ATRNL1: variants seen among roughly 807,000 people sequenced by gnomAD.
The protein encoded by ATRNL1 is attractin like 1.
A neutral mutation model predicts 182.7 loss-of-function variants in ATRNL1; 95 were observed. The observed-to-expected ratio is 0.52, with a 90% CI of 0.44 to 0.62. The LOEUF is 0.62. Ranked by LOEUF, ATRNL1 falls within the 20% of genes least tolerant of loss-of-function variation. The pLI is 0.00. For synonymous variants in ATRNL1, 576 were observed against 568.3 expected (o/e 1.01, Z -0.19); for missense variants, 1,471 against 1,679.5 (o/e 0.88, Z 2.17).
At chr10:115,674,614 T>G (rs1029855813) in intron 26 of ATRNL1, among the ~76,000 whole-genome samples, 1 of 152,136 alleles carries the variant, frequency 6.6e-6, no homozygotes, top group Admixed American at 6.6e-5. Flanking sequence ...ATGAAATTTT[T>G]GTAAGTACTT....
At chr10:115,760,389 T>C (rs1360542702) in intron 27 of ATRNL1, among the ~76,000 whole-genome samples, 1 of 152,086 alleles carries the variant, frequency 6.6e-6, no homozygotes, top group Non-Finnish European at 1.5e-5. Context: ...TATTTTTACG[T>C]ATTCATTGGT....
rs555587168 is a variant in ATRNL1 at position 115,316,366 on chromosome 10, C to T, written c.3037+630C>T. Among the ~76,000 whole-genome samples, 11 of 152,108 alleles carry T rather than the reference C, an allele frequency of 7.2e-5. No homozygotes were observed. In the South Asian group the frequency reaches 1.5e-3, roughly 20 times the overall value. Reference sequence around the variant, plus strand: ...CTATATCCAGTCTATCATTAATGGGCGCTTGGGTTGGTTCCATGACTTTGC... The same window carrying T: ...CTATATCCAGTCTATCATTAATGGGTGCTTGGGTTGGTTCCATGACTTTGC... On this transcript the variant is annotated intron_variant, in intron 18 of 28. Transcript: ENST00000355044.
chr10:115,867,973 A>G (rs1951478125), intron 28 of ATRNL1, among the ~76,000 whole-genome samples: 1 of 152,044 alleles, frequency 6.6e-6, no homozygotes, highest in South Asian at 2.1e-4. Flanking sequence ...CATGTTGGTG[A>G]GGCTGGTCTC....
intron 26 of ATRNL1, among the ~76,000 whole-genome samples, chr10:115,590,039 T>C: frequency 6.6e-6 from 1 of 152,220 alleles, no homozygotes; most frequent in East Asian, 1.9e-4. Context: ...TAAAATATAC[T>C]GTGGCAAAAT....
At chr10:115,556,710 A>T (rs1853333752) in intron 26 of ATRNL1, among the ~76,000 whole-genome samples, 1 of 152,044 alleles carries the variant, frequency 6.6e-6, no homozygotes, top group African/African-American at 2.4e-5. Context: ...AATAAATATT[A>T]GCTGTTATTG....
intron 10 of ATRNL1, among the ~76,000 whole-genome samples, chr10:115,262,549 G>C (rs539265597): frequency 2.4e-4 from 37 of 151,892 alleles, no homozygotes; most frequent in Non-Finnish European, 4.7e-4. Context: ...GTGACCTAAA[G>C]GTAAGACCAA....
intron 1 of ATRNL1, among the ~76,000 whole-genome samples, chr10:115,101,522 TA>T (rs1286533941): frequency 1.3e-3 from 205 of 152,340 alleles, no homozygotes; most frequent in African/African-American, 4.7e-3. Context: ...TTTTGAATGT[TA>T]AACCAACCTT....
intron 28 of ATRNL1, among the ~76,000 whole-genome samples, chr10:115,887,169 G>C (rs7474865): frequency 6.6e-6 from 1 of 152,150 alleles, no homozygotes; most frequent in African/African-American, 2.4e-5. Context: ...GCATATTCAA[G>C]TTTGAGATGC....
chr10:115,289,160 C>G (rs559026291), intron 15 of ATRNL1, among the ~76,000 whole-genome samples: 2 of 152,134 alleles, frequency 1.3e-5, no homozygotes, highest in Non-Finnish European at 2.9e-5. Flanking sequence ...GGGAATTCCT[C>G]TTTTTAAAAC....
chr10:115,564,609 T>C (rs1026254594), intron 26 of ATRNL1, among the ~76,000 whole-genome samples: 5 of 151,972 alleles, frequency 3.3e-5, no homozygotes, highest in Non-Finnish European at 7.4e-5. Context: ...ATTATTTTTA[T>C]ACCTTGTACA....
intron 28 of ATRNL1, among the ~76,000 whole-genome samples, chr10:115,875,712 C>T (rs114067053): frequency 0.024 from 3,603 of 152,244 alleles, 124 homozygotes; most frequent in African/African-American, 0.072. Context: ...AAGAACCTAA[C>T]AGGTATGTTC....
intron 10 of ATRNL1, among the ~76,000 whole-genome samples, chr10:115,261,258 A>G (rs1851380036): frequency 6.6e-6 from 1 of 152,186 alleles, no homozygotes; most frequent in Admixed American, 6.5e-5. Context: ...AAAGTGTTAG[A>G]GTGAAATAAA....
intron 26 of ATRNL1, among the ~76,000 whole-genome samples, chr10:115,716,505 A>C (rs1216211701): frequency 1.3e-5 from 2 of 152,206 alleles, no homozygotes; most frequent in East Asian, 3.9e-4. Flanking sequence ...TAACTGGATT[A>C]TGTTGCATTT....
intron 28 of ATRNL1, among the ~76,000 whole-genome samples, chr10:115,910,611 A>G (rs1952645916): frequency 6.6e-6 from 1 of 151,908 alleles, no homozygotes; most frequent in Non-Finnish European, 1.5e-5. Context: ...CTAACCTTTA[A>G]TGCACTATAC....
intron 1 of ATRNL1, among the ~76,000 whole-genome samples, chr10:115,099,768 T>TA (rs1416231109): frequency 2.0e-5 from 3 of 152,298 alleles, no homozygotes; most frequent in Non-Finnish European, 4.4e-5. Context: ...TTTTGCATGT[T>TA]AAAAAAATTT....
chr10:115,781,809 G>T (rs1338555294), intron 27 of ATRNL1, among the ~76,000 whole-genome samples: 1 of 152,092 alleles, frequency 6.6e-6, no homozygotes. Context: ...ATAGTTTTCT[G>T]TATAAGCTAT....
At chr10:115,096,568 G>T in intron 1 of ATRNL1, 3 of 794,844 alleles carry the variant, frequency 3.8e-6, no homozygotes, top group Non-Finnish European at 5.5e-6. Flanking sequence ...CATTAAAAAT[G>T]ATTGATCAAT....
rs1850143537 is a variant in ATRNL1, at chr10:115,506,923, G to A, written c.3655-12340G>A. Among the ~76,000 whole-genome samples the A allele has an allele frequency of 2.6e-5, 4 of 152,084 alleles. No homozygotes were observed. The South Asian group carries it at 8.3e-4, about 32-fold the overall frequency. On this transcript the variant is annotated intron_variant, in intron 24 of 28. Transcript: ENST00000355044. ...TAATTTAGAAAGTTTATTTGCCAAG[G>A]TTGAGGACATGTGCCTGTGACACAG... is the stretch of plus-strand genomic sequence containing the variant.
intron 13 of ATRNL1, among the ~76,000 whole-genome samples, chr10:115,273,387 T>C (rs1475589631): frequency 6.6e-6 from 1 of 152,230 alleles, no homozygotes; most frequent in Non-Finnish European, 1.5e-5. Context: ...CTTCACTTAT[T>C]TGCCATTCAG....
Sources: allele counts gnomAD v4.1 joint callset (sites outside exome capture counted in the v4.1 genomes callset), GRCh38; gene constraint gnomAD v4.1.1; transcripts MANE v1.5; gene names NCBI Gene and HGNC (gene_info 2026-07-23, HGNC 2026-07-21).